CCNB1IP1: variants seen among roughly 807,000 people sequenced by gnomAD.
The protein encoded by CCNB1IP1 is cyclin B1 interacting protein 1.
In CCNB1IP1, 14 loss-of-function variants were observed where a neutral mutation model predicts 25.6. That is an observed-to-expected ratio of 0.55 (90% CI 0.36 to 0.85). The LOEUF (loss-of-function observed/expected upper bound fraction) is 0.85, where lower values mean the gene tolerates loss of function less well. CCNB1IP1 is among the 40% of genes least tolerant of loss of function. The pLI, the probability that CCNB1IP1 is intolerant of heterozygous loss-of-function variation, is 0.01. For missense variants in CCNB1IP1, 278 were observed against 342.4 expected (o/e 0.81, Z 1.48); for synonymous variants, 119 against 116.1 (o/e 1.02, Z -0.16).
At chr14:20,329,439 T>A (rs1292645246) in intron 1 of CCNB1IP1, 66 bp from the exon 2 acceptor site, 7 of 152,230 alleles carry the variant, frequency 4.6e-5, no homozygotes, top group Non-Finnish European at 8.8e-5. Context: ...TAGCTTGGTA[T>A]AGTTTTCCTT....
chr14:20,313,962 C>G (rs1882592432), intron 5 of CCNB1IP1, among the ~76,000 whole-genome samples, 161 bp from the exon 6 acceptor site: 1 of 152,100 alleles, frequency 6.6e-6, no homozygotes, highest in Non-Finnish European at 1.5e-5. Context: ...CAATGAGGCA[C>G]AGAAAACAAT....
intron 4 of CCNB1IP1, among the ~76,000 whole-genome samples, chr14:20,317,085 G>C (rs1361569303): frequency 6.6e-6 from 1 of 151,310 alleles, no homozygotes; most frequent in African/African-American, 2.4e-5. Context: ...CTCCAGCCTG[G>C]GGGACAGAGC....
At chr14:20,315,922 TTAACAA>T (rs1307653086) in intron 5 of CCNB1IP1, 21 of 448,022 alleles carry the variant, frequency 4.7e-5, no homozygotes, top group African/African-American at 3.8e-4. Flanking sequence ...CTGTCAACTC[TTAACAA>T]TAAAAGTGTG....
intron 4 of CCNB1IP1, among the ~76,000 whole-genome samples, chr14:20,321,163 T>A (rs1339418698): frequency 6.6e-6 from 1 of 151,848 alleles, no homozygotes; most frequent in Non-Finnish European, 1.5e-5. Context: ...ATACTTTCCA[T>A]GAGAATCTAT....
At chr14:20,312,616 G>C (rs1278520496) in intron 6 of CCNB1IP1, among the ~76,000 whole-genome samples, 1 of 151,704 alleles carries the variant, frequency 6.6e-6, no homozygotes, top group African/African-American at 2.4e-5. Context: ...TCACTTTTTT[G>C]TATGCCAAAA....
chr14:20,315,571 C>T, intron 5 of CCNB1IP1: 1 of 1,275,184 alleles, frequency 7.8e-7, no homozygotes, highest in Non-Finnish European at 1.0e-6. Context: ...ACAATACATT[C>T]AAGGACATGC....
intron 1 of CCNB1IP1, among the ~76,000 whole-genome samples, chr14:20,331,538 T>A (rs1000725310): frequency 6.6e-6 from 1 of 152,094 alleles, no homozygotes; most frequent in African/African-American, 2.4e-5. Flanking sequence ...AAAACCCAAT[T>A]GAAATGCCTT....
chr14:20,316,465 G>C lies in CCNB1IP1; in HGVS notation c.59C>G (p.Ser20Cys). 1 of 1,613,464 alleles carries C rather than the reference G, an allele frequency of 6.2e-7. No individual in the cohort carries two copies. Among genetic ancestry groups the C allele is most frequent in the Non-Finnish European group, 8.5e-7 (1 of 1,179,988 alleles). ...GCAGGCAGTGACCCATGCATAGCCAGAGAGTTTGATGCGACACTTTCGATA... is the reference window on the plus strand; with the variant it reads ...GCAGGCAGTGACCCATGCATAGCCACAGAGTTTGATGCGACACTTTCGATA... ...CNYRKCRIKL[S>C]GYAWVTACSH... The change falls in exon 5 of 7, where the codon TCT becomes TGT. Residue 20 changes from serine to cysteine, a missense_variant. Ser to Cys is a moderately radical substitution (Grantham distance 112). Transcript: ENST00000358932.
At chr14:20,317,880 G>A (rs964714887) in intron 4 of CCNB1IP1, 3 of 152,274 alleles carry the variant, frequency 2.0e-5, no homozygotes, top group African/African-American at 7.2e-5. Context: ...GCGAGCGAGT[G>A]CTTCAGGGAA....
intron 5 of CCNB1IP1, chr14:20,315,698 G>A: frequency 8.2e-7 from 1 of 1,218,044 alleles, no homozygotes; most frequent in South Asian, 1.3e-5. Context: ...TTAATAACTT[G>A]GAAATAAATT....
intron 4 of CCNB1IP1, chr14:20,320,372 G>A: frequency 2.2e-6 from 1 of 455,766 alleles, no homozygotes; most frequent in Non-Finnish European, 4.4e-6. Context: ...TGATGGAGTG[G>A]TAGTCTAGTC....
intron 4 of CCNB1IP1, among the ~76,000 whole-genome samples, chr14:20,322,278 C>G (rs1882917296): frequency 6.6e-6 from 1 of 152,134 alleles, no homozygotes; most frequent in African/African-American, 2.4e-5. Context: ...CCTGGTTTGT[C>G]AATCAGGGCT....
At chr14:20,329,616 T>A (rs1883177288) in intron 1 of CCNB1IP1, among the ~76,000 whole-genome samples, 1 of 152,228 alleles carries the variant, frequency 6.6e-6, no homozygotes, top group Non-Finnish European at 1.5e-5. Context: ...CAATTCCGTA[T>A]CTTGGCTTTT....
At chr14:20,312,972 CCTT>C (rs1365362441) in intron 6 of CCNB1IP1, among the ~76,000 whole-genome samples, 2 of 152,026 alleles carry the variant, frequency 1.3e-5, no homozygotes, top group Non-Finnish European at 2.9e-5. Context: ...TGAAACATGG[CCTT>C]CTTGGAGGAT....
Position 20,313,586 on chromosome 14 carries a change from A to G in CCNB1IP1, c.513T>C (p.Tyr171=). Residue 171 remains tyrosine, a synonymous_variant, in exon 6 of 7, where the codon TAT becomes TAC. Transcript: ENST00000358932. The stretch of plus-strand genomic sequence containing the variant: ...TATCATAGAGGCCTTGGAGCTTTTG[A>G]TACTGACGATTGCGCTCCATAAGTT... ...SEKLMERNRQ[Y]QKLQGLYDSL... The G allele has an allele frequency of 6.2e-7, 1 of 1,614,194 alleles. No homozygotes were observed. Among genetic ancestry groups the G allele is most frequent in the Non-Finnish European group, 8.5e-7 (1 of 1,180,028 alleles).
At chr14:20,331,567 T>C (rs1883234649) in intron 1 of CCNB1IP1, among the ~76,000 whole-genome samples, 1 of 152,194 alleles carries the variant, frequency 6.6e-6, no homozygotes, top group African/African-American at 2.4e-5. Context: ...CTGACTGATT[T>C]ACAAGGTTAT....
At position 20,316,500 on chromosome 14, in the gene CCNB1IP1, C is replaced by G; in HGVS notation, c.24G>C (p.Leu8=). The G allele has an allele frequency of 6.2e-7, 1 of 1,609,194 alleles. No individual in the cohort carries two copies. Among genetic ancestry groups the G allele is most frequent in the South Asian group, 1.1e-5 (1 of 91,082 alleles). Residue 8 remains leucine, a synonymous_variant, in exon 5 of 7, where the codon CTG becomes CTC. Coordinates refer to ENST00000358932, the MANE Select transcript of CCNB1IP1 (RefSeq NM_021178.5). MSLCEDM[L]LCNYRKCRIK... ...TGCGACACTTTCGATAATTACAAAG[C>G]AGCATGTCTTCACACAAAGACATAA...
chr14:20,323,377 A>G (rs1273312508), intron 4 of CCNB1IP1: 1 of 152,142 alleles, frequency 6.6e-6, no homozygotes, highest in Non-Finnish European at 1.5e-5. Flanking sequence ...AAAAATAAAG[A>G]CATCCCAACC....
chr14:20,317,488 T>C, intron 4 of CCNB1IP1: 1 of 152,070 alleles, frequency 6.6e-6, no homozygotes, highest in East Asian at 1.9e-4. Context: ...GCTGAGTGAG[T>C]TTCCTCAGGT....
Sources: allele counts gnomAD v4.1 joint callset (sites outside exome capture counted in the v4.1 genomes callset), GRCh38; gene constraint gnomAD v4.1.1; transcripts MANE v1.5; gene names NCBI Gene and HGNC (gene_info 2026-07-23, HGNC 2026-07-21).